Variants in CASK observed in about 807,000 individuals in gnomAD.
CASK encodes the protein peripheral plasma membrane protein CASK.
A neutral mutation model predicts 82.9 loss-of-function variants in CASK; 4 were observed. The observed-to-expected ratio is 0.05, with a 90% CI of 0.02 to 0.11. The LOEUF is 0.11. Among genes scored for constraint, CASK ranks in the 10% least tolerant of loss-of-function variants. The pLI is 1.00. For missense variants in CASK, 358 were observed against 720.9 expected (o/e 0.50, Z 5.76); for synonymous variants, 259 against 253.5 (o/e 1.02, Z -0.20).
rs761142771 is a variant in CASK, at chrX:41,671,528, G to A, written c.432C>T (p.Pro144=). The A allele has an allele frequency of 8.2e-5, 95 of 1,165,329 alleles. No individual in the cohort carries two copies. Among genetic ancestry groups the A allele is most frequent in the Admixed American group, 5.7e-4 (26 of 45,518 alleles). The change falls in exon 6 of 27, where the codon CCC becomes CCT. Residue 144 remains proline (P), a splice_region_variant and synonymous_variant. Coordinates refer to ENST00000378163, the MANE Select transcript of CASK (RefSeq NM_001367721.1). ...CTTTTGAGGCAAGGAGAACACAGTG[G>A]GGCTGAAAAGAAAAACAGACGAACA... ...DNNIIHRDVK[P]HCVLLASKEN...
intron 1 of CASK, among the ~76,000 whole-genome samples, chrX:41,874,019 G>A (rs760532722): frequency 1.8e-5 from 2 of 110,462 alleles, no homozygotes; most frequent in African/African-American, 6.6e-5. Flanking sequence ...TCGAACTCCT[G>A]AGCTCAGACA....
chrX:41,747,642 C>T (rs1158283367), intron 3 of CASK, among the ~76,000 whole-genome samples: 7 of 111,611 alleles, frequency 6.3e-5, no homozygotes, highest in South Asian at 3.7e-4. Context: ...GGGGTTTCAC[C>T]GTGTTAGCCA....
chrX:41,913,035 C>T (rs1195405), intron 1 of CASK, among the ~76,000 whole-genome samples: 19,552 of 108,815 alleles, frequency 0.18, 1,528 homozygotes, highest in Middle Eastern at 0.31. Context: ...ATGATTTCCC[C>T]AACTTCCTTC....
intron 1 of CASK, among the ~76,000 whole-genome samples, chrX:41,855,623 A>T (rs1333774924): frequency 9.0e-6 from 1 of 111,428 alleles, no homozygotes; most frequent in African/African-American, 3.3e-5. Flanking sequence ...CAGGAGGTAT[A>T]GGTTTCAGTC....
intron 21 of CASK, among the ~76,000 whole-genome samples, chrX:41,543,160 C>G (rs1025675442): frequency 2.7e-5 from 3 of 112,258 alleles, no homozygotes. Flanking sequence ...ATGTTAGACA[C>G]TTTCCTAGGA....
intron 2 of CASK, among the ~76,000 whole-genome samples, chrX:41,834,260 A>G (rs942892546): frequency 8.9e-6 from 1 of 111,789 alleles, no homozygotes. Context: ...ACGCACCACA[A>G]TTAAGATTCT....
intron 2 of CASK, among the ~76,000 whole-genome samples, chrX:41,816,735 T>C (rs1448186829): frequency 9.0e-6 from 1 of 111,465 alleles, no homozygotes; most frequent in Non-Finnish European, 1.9e-5. Flanking sequence ...AACAACTCCA[T>C]GCCAATAAAT....
chrX:41,558,133 C>G (rs2065181008), intron 18 of CASK: 1 of 109,443 alleles, frequency 9.1e-6, no homozygotes, highest in Non-Finnish European at 1.9e-5. Context: ...TAACCAAGGA[C>G]CTGGGGGATG....
chrX:41,584,564 A>G (rs1246951327), intron 14 of CASK: 3 of 111,648 alleles, frequency 2.7e-5, no homozygotes, highest in Non-Finnish European at 3.8e-5. Context: ...TCTCATAAGG[A>G]GTATGCAACC....
intron 15 of CASK, among the ~76,000 whole-genome samples, chrX:41,571,535 T>G (rs968010537): frequency 1.8e-5 from 2 of 111,576 alleles, no homozygotes; most frequent in African/African-American, 6.5e-5. Flanking sequence ...GTAATTCATG[T>G]TTTTTTTCCC....
Position 41,848,288 on chromosome X carries a change from T to C in CASK, c.172+4827A>G, listed in dbSNP as rs140179607. 3.2e-3 allele frequency among the ~76,000 whole-genome samples: 360 copies of C among 112,118 alleles called. 2 individuals carry two copies. Among genetic ancestry groups the C allele is most frequent in the African/African-American group, 0.011 (329 of 30,843 alleles). ...GTCCCCTGAAACCTCATGTTGAAGATTGATCCCCAATGTTGAAGGTAGGGG... is the reference window on the plus strand; with the variant it reads ...GTCCCCTGAAACCTCATGTTGAAGACTGATCCCCAATGTTGAAGGTAGGGG... On this transcript the variant is annotated intron_variant, in intron 2 of 26. Transcript: ENST00000378163.
At chrX:41,727,941 C>A (rs1402182326) in intron 5 of CASK, 1 of 1,176,871 alleles carries the variant, frequency 8.5e-7, no homozygotes, top group Non-Finnish European at 1.2e-6. Flanking sequence ...GTAGCACAGA[C>A]CCCATTATAT....
chrX:41,750,110 T>C (rs1192136629), intron 3 of CASK, among the ~76,000 whole-genome samples: 3 of 111,607 alleles, frequency 2.7e-5, no homozygotes, highest in Non-Finnish European at 5.6e-5. Context: ...ACTGTGAAAA[T>C]ATTTTTCTAT....
chrX:41,637,419 G>T (rs1256628412), intron 8 of CASK, among the ~76,000 whole-genome samples: 1 of 61,378 alleles, frequency 1.6e-5, no homozygotes, highest in African/African-American at 7.3e-5. Context: ...TTGAGACAGG[G>T]TCTTCCTCTG....
chrX:41,920,253 G>A (rs902011258), intron 1 of CASK, among the ~76,000 whole-genome samples: 1 of 112,294 alleles, frequency 8.9e-6, no homozygotes. Context: ...AAGGTTTTCA[G>A]TACATGTGAA....
chrX:41,526,247 C>G (rs942051658), intron 25 of CASK, among the ~76,000 whole-genome samples: 1 of 111,394 alleles, frequency 9.0e-6, no homozygotes, highest in Non-Finnish European at 1.9e-5. Context: ...CGGTCACACA[C>G]ATATACCCAT....
intron 2 of CASK, among the ~76,000 whole-genome samples, chrX:41,791,547 A>AC (rs2069719504): frequency 9.1e-6 from 1 of 109,350 alleles, no homozygotes; most frequent in South Asian, 4.1e-4. Context: ...ATATGGTGAA[A>AC]CCCCGTCTCT....
At chrX:41,740,418 A>T (rs2068576036) in intron 4 of CASK, among the ~76,000 whole-genome samples, 1 of 108,634 alleles carries the variant, frequency 9.2e-6, no homozygotes, top group Admixed American at 9.9e-5. Context: ...TTGTTTCCAG[A>T]TCTTATATTT....
chrX:41,860,030 AATGTT>A (rs1164904572), intron 1 of CASK, among the ~76,000 whole-genome samples: 2 of 111,477 alleles, frequency 1.8e-5, no homozygotes, highest in African/African-American at 6.5e-5. Context: ...TATAATATGT[AATGTT>A]ATATTTATGT....
Sources: gnomAD v4.1 joint callset for allele counts (sites outside exome capture counted in the v4.1 genomes callset) on GRCh38, gnomAD v4.1.1 for gene constraint, MANE v1.5 for transcripts, NCBI Gene and HGNC (gene_info 2026-07-23, HGNC 2026-07-21) for gene names.